The following GNAT2 variants were observed in gnomAD, a reference collection of about 807,000 sequenced individuals.
GNAT2 encodes the protein guanine nucleotide-binding protein G(t) subunit alpha-2.
Under a neutral mutation model 40.9 loss-of-function variants are expected in GNAT2, and 32 were observed. The ratio of observed to expected loss-of-function variants is 0.78; its 90% CI spans 0.59 to 1.05. The LOEUF (loss-of-function observed/expected upper bound fraction) is 1.05. Among genes scored for constraint, GNAT2 ranks in the 50% least tolerant of loss-of-function variants. The pLI, the probability that GNAT2 is intolerant of heterozygous loss-of-function variation, is 0.00. For missense variants in GNAT2, 355 were observed against 431.5 expected, an observed-to-expected ratio of 0.82 and a Z score of 1.57; for synonymous variants, 141 against 157.2, an observed-to-expected ratio of 0.90 and a Z score of 0.77.
At chr1:109,610,581 G>A in intron 2 of GNAT2, 74 bp from the exon 3 acceptor site, 5 of 1,273,852 alleles carry the variant, frequency 3.9e-6, no homozygotes, top group Non-Finnish European at 5.7e-6. Flanking sequence ...CCTGGGAGAA[G>A]TCAGAGCCAC....
intron 1 of GNAT2, 93 bp downstream of exon 1, chr1:109,619,390 G>C (rs921844611): frequency 2.0e-5 from 3 of 152,224 alleles, no homozygotes; most frequent in African/African-American, 7.2e-5. Context: ...ATCTGGATTT[G>C]AACCCAGACA....
Position 109,604,035 on chromosome 1 carries a change from T to C in GNAT2, c.790A>G (p.Ile264Val), listed in dbSNP as rs1649517829. The change falls in exon 8 of 9, where the codon ATT (isoleucine) becomes GTT (valine). Residue 264 changes from isoleucine to valine, a missense_variant. Physicochemically the swap from Ile to Val is conservative, Grantham distance 29 (BLOSUM62 3). Transcript: ENST00000679935. ...TCCTTCTTGTTGAGAAAGAGGACAA[T>C]GGAAGTAGCCGCAAAGAATTTGTGG... ...CNHKFFAATSIVLFLNKKDLF... is the reference protein window; with the variant it reads ...CNHKFFAATSVVLFLNKKDLF... The C allele has an allele frequency of 6.2e-7, 1 of 1,609,014 alleles. No homozygotes were observed. The highest frequency in any genetic ancestry group is 1.1e-5 in the South Asian group (1 of 90,980).
intron 2 of GNAT2, chr1:109,610,715 T>G (rs1053981064): frequency 1.6e-6 from 1 of 631,772 alleles, no homozygotes; most frequent in Non-Finnish European, 2.9e-6. Flanking sequence ...TCAGTACTAT[T>G]TAGTTTGGGC....
intron 1 of GNAT2, 61 bp from the exon 2 acceptor site, chr1:109,612,984 C>G: frequency 1.3e-6 from 1 of 785,138 alleles, no homozygotes; most frequent in South Asian, 1.3e-5. Context: ...CTTGGCTCCC[C>G]TAAAAGCTGG....
At chr1:109,613,289 A>C (rs1570567030) in intron 1 of GNAT2, 2 of 288,316 alleles carry the variant, frequency 6.9e-6, no homozygotes, top group East Asian at 1.7e-4. Flanking sequence ...GCTTCCTTAG[A>C]TTTATTTGCA....
In GNAT2 at chr1:109,607,146, ATTTTT is replaced by A. The variant is rs371584623; in HGVS notation, c.462-715_462-711del. 3 of 109,548 alleles carry A rather than the reference ATTTTT, an allele frequency of 2.7e-5. No homozygotes were observed. In the South Asian group the frequency reaches 8.9e-4, roughly 32 times the overall value. The allele number at this position is 109,548 out of a possible 1,614,324, so 6.8% of individuals were successfully genotyped here. A position where few individuals can be genotyped will look rare whatever the true frequency, so the allele number is the denominator to read the frequency against. On this transcript the variant is annotated intron_variant, in intron 5 of 8. Coordinates refer to ENST00000679935, the MANE Select transcript of GNAT2 (RefSeq NM_001377295.2). ...AAGTTACCTTAAAAAAGAAAAAGTT[ATTTTT>A]TTTAAAAAAAAAAAAGGTGGCCAGG... is the stretch of plus-strand genomic sequence containing the variant.
intron 7 of GNAT2, chr1:109,604,623 A>G (rs966666070): frequency 5.8e-6 from 1 of 171,806 alleles, no homozygotes; most frequent in Admixed American, 5.5e-5. Context: ...GGTGAGAGTT[A>G]GAGAATTTCC....
chr1:109,606,173 A>G, intron 6 of GNAT2, 74 bp from the exon 7 acceptor site: 1 of 1,587,918 alleles, frequency 6.3e-7, no homozygotes, highest in East Asian at 2.2e-5. Context: ...TCACCCCGTG[A>G]AGTGGGAGAG....
At chr1:109,610,362 C>A (rs544314741) in intron 3 of GNAT2, 103 bp downstream of exon 3, 311 of 1,258,190 alleles carry the variant, frequency 2.5e-4, no homozygotes, top group Non-Finnish European at 3.1e-4. Flanking sequence ...ATCCTTTATA[C>A]CTGGGCTCCT....
chr1:109,603,867 T>C (rs778999699), intron 8 of GNAT2, 84 bp downstream of exon 8: 27 of 1,013,576 alleles, frequency 2.7e-5, no homozygotes, highest in Non-Finnish European at 3.6e-5. Flanking sequence ...TTAAGTTCCT[T>C]TGTGTCATCT....
chr1:109,612,533 C>T lies in GNAT2; in HGVS notation c.118+220G>A, dbSNP rs1190366147. On this transcript the variant is annotated intron_variant, in intron 2 of 8. Transcript: ENST00000679935. The stretch of plus-strand genomic sequence containing the variant: ...TATTCCTCGCTCAAGAGTAGAAAAA[C>T]TCTGGAATAGCCTTGGCATTCTGGA... The T allele has an allele frequency of 1.1e-5, 6 of 566,432 alleles. No homozygotes were observed. In the East Asian group the frequency reaches 1.3e-4, roughly 12 times the overall value. 35.1% of individuals were successfully genotyped at this position (566,432 alleles called of 1,614,324 possible).
chr1:109,605,808 A>G, intron 7 of GNAT2, 162 bp downstream of exon 7: 1 of 688,752 alleles, frequency 1.5e-6, no homozygotes, highest in Non-Finnish European at 2.7e-6. Context: ...CTGCAGAAGA[A>G]GTTGTTTTTT....
At chr1:109,610,012 C>G in intron 4 of GNAT2, 28 bp downstream of exon 4, 1 of 1,611,574 alleles carries the variant, frequency 6.2e-7, no homozygotes, top group Admixed American at 1.7e-5. Flanking sequence ...CTGCTTCCAC[C>G]CTTAACCACA....
chr1:109,605,047 A>G (rs372728351), intron 7 of GNAT2: 1 of 152,276 alleles, frequency 6.6e-6, no homozygotes, highest in South Asian at 2.1e-4. Flanking sequence ...AGAGTGCTCT[A>G]ATGTGAAGTT....
At chr1:109,603,715 G>A (rs994720307) in intron 8 of GNAT2, 171 bp from the exon 9 acceptor site, 10 of 674,856 alleles carry the variant, frequency 1.5e-5, no homozygotes, top group African/African-American at 5.4e-5. Context: ...CACTTTAGTT[G>A]AAAAGAAATT....
Position 109,609,361 on chromosome 1 carries a change from G to A in GNAT2, c.304-573C>T, listed in dbSNP as rs371324481. The A allele has an allele frequency of 3.4e-3, 607 of 177,006 alleles. 12 individuals are homozygous for A. The South Asian group carries it at 0.043, about 13-fold the overall frequency. The allele number at this position is 177,006 out of a possible 1,614,324, so 11.0% of individuals were successfully genotyped here. A position where few individuals can be genotyped will look rare whatever the true frequency, so the allele number is the denominator to read the frequency against. On this transcript the variant is annotated intron_variant, in intron 4 of 8. Coordinates refer to ENST00000679935, the MANE Select transcript of GNAT2 (RefSeq NM_001377295.2). ...TAAAGTAGGGCTTGAGGACAGGCAC[G>A]GTGGCTCACACCTGTAATCTCAACA...
At chr1:109,616,007 C>G (rs1336238424) in intron 1 of GNAT2, 2 of 152,246 alleles carry the variant, frequency 1.3e-5, no homozygotes, top group Non-Finnish European at 2.9e-5. Flanking sequence ...GCTGCTTCTG[C>G]TTTGTTCCCT....
intron 5 of GNAT2, chr1:109,607,801 T>C (rs551009149): frequency 6.6e-6 from 1 of 152,288 alleles, no homozygotes; most frequent in South Asian, 2.1e-4. Context: ...TGAGGCTAAT[T>C]AGAAAGGTAC....
intron 5 of GNAT2, chr1:109,606,926 G>C (rs1365243588): frequency 5.7e-6 from 1 of 174,342 alleles, no homozygotes; most frequent in East Asian, 1.5e-4. Context: ...TAACTATTTG[G>C]GTGTGATTAT....
Sources: allele counts gnomAD v4.1 joint callset, GRCh38; gene constraint gnomAD v4.1.1; transcripts MANE v1.5; gene names NCBI Gene and HGNC (gene_info 2026-07-23, HGNC 2026-07-21).